APBA2: variants seen among roughly 807,000 people sequenced by gnomAD.
The protein encoded by APBA2 is amyloid-beta A4 precursor protein-binding family A member 2.
In APBA2, 30 loss-of-function variants were observed where a neutral mutation model predicts 75.0. The observed-to-expected ratio is 0.40, with a 90% confidence interval of 0.30 to 0.54. The LOEUF is 0.54. Among genes scored for constraint, APBA2 ranks in the 20% least tolerant of loss-of-function variants. The pLI, the probability that APBA2 is intolerant of heterozygous loss-of-function variation, is 0.49. For synonymous variants in APBA2, 444 were observed against 409.6 expected, an observed-to-expected ratio of 1.08 and a Z score of -1.01; for missense variants, 801 against 1,016.1, an observed-to-expected ratio of 0.79 and a Z score of 2.88.
chr15:28,916,422 T>C (rs1424740062), intron 1 of APBA2, among the ~76,000 whole-genome samples: 1 of 152,242 alleles, frequency 6.6e-6, no homozygotes, highest in Non-Finnish European at 1.5e-5. Context: ...TGCTGCTGAA[T>C]ATTAGATGCA....
intron 3 of APBA2, among the ~76,000 whole-genome samples, chr15:28,997,037 G>T (rs1027792242): frequency 1.8e-4 from 28 of 152,210 alleles, no homozygotes; most frequent in Non-Finnish European, 1.3e-4. Context: ...GCCATTATTT[G>T]TAAAGCAAGG....
At chr15:28,957,158 C>A (rs1466740399) in intron 2 of APBA2, among the ~76,000 whole-genome samples, 2 of 151,978 alleles carry the variant, frequency 1.3e-5, no homozygotes, top group African/African-American at 4.8e-5. Flanking sequence ...CTGCAAGCTC[C>A]GCCTCCCGGG....
rs1465384409 is a variant in APBA2, at chr15:29,036,355, A to T, written c.-40-17490A>T. On this transcript the variant is annotated intron_variant, in intron 3 of 14. Transcript: ENST00000683413. ...CCCCAGGTCTCCTTCAGGGAGGATG[A>T]GCATCACCTGCATTGAGGAAGGGGT... is the stretch of plus-strand genomic sequence containing the variant. Among the ~76,000 whole-genome samples, 15 of 152,274 alleles carry T rather than the reference A, an allele frequency of 9.9e-5. No homozygotes were observed. In the East Asian group the frequency reaches 2.5e-3, roughly 26 times the overall value.
intron 1 of APBA2, among the ~76,000 whole-genome samples, chr15:28,901,516 G>T (rs139839671): frequency 0.031 from 4,765 of 152,298 alleles, 254 homozygotes; most frequent in African/African-American, 0.11. Flanking sequence ...GTGGTGCTGT[G>T]TGTGGTTCAG....
At chr15:28,926,856 TC>T (rs200063448) in intron 2 of APBA2, among the ~76,000 whole-genome samples, 2,146 of 98,164 alleles carry the variant, frequency 0.022, 86 homozygotes, top group African/African-American at 0.13. Context: ...TCTCTCTCTC[TC>T]TTTTTTTTTT....
intron 3 of APBA2, among the ~76,000 whole-genome samples, chr15:29,037,268 C>T (rs886844605): frequency 1.3e-5 from 2 of 152,032 alleles, no homozygotes; most frequent in South Asian, 2.1e-4. Context: ...TCATTGAACC[C>T]GTCTTGGTAG....
chr15:28,967,574 G>A (rs1266557306), intron 2 of APBA2, among the ~76,000 whole-genome samples: 2 of 151,986 alleles, frequency 1.3e-5, no homozygotes, highest in Admixed American at 6.6e-5. Context: ...AAGTAGCTGG[G>A]ACTACAGACA....
intron 14 of APBA2, 92 bp from the exon 15 acceptor site, chr15:29,116,970 C>A: frequency 7.3e-7 from 1 of 1,372,138 alleles, no homozygotes; most frequent in Non-Finnish European, 1.0e-6. Flanking sequence ...TGAAGCAGAA[C>A]TCTGGGGGGT....
At chr15:29,109,988 C>T (rs955642002) in intron 13 of APBA2, among the ~76,000 whole-genome samples, 3 of 152,254 alleles carry the variant, frequency 2.0e-5, no homozygotes, top group Admixed American at 6.5e-5. Context: ...AGCTGGTGGT[C>T]TGGCCTGGTC....
intron 2 of APBA2, among the ~76,000 whole-genome samples, chr15:28,972,897 A>G (rs2037141854): frequency 1.3e-5 from 2 of 152,240 alleles, no homozygotes; most frequent in Non-Finnish European, 2.9e-5. Context: ...TTGTTGGTCT[A>G]ATTTCTAAGC....
At chr15:29,101,552 T>G in intron 9 of APBA2, 47 bp from the exon 10 acceptor site, 2 of 1,588,758 alleles carry the variant, frequency 1.3e-6, no homozygotes, top group Non-Finnish European at 1.7e-6. Context: ...TTTCAATGGA[T>G]TGTCCCAGTA....
chr15:29,077,920 A>G (rs2042918779), intron 6 of APBA2, among the ~76,000 whole-genome samples: 1 of 152,192 alleles, frequency 6.6e-6, no homozygotes, highest in South Asian at 2.1e-4. Context: ...TCCAAATTAA[A>G]CACCGTTATC....
intron 12 of APBA2, 124 bp from the exon 13 acceptor site, chr15:29,108,146 G>T: frequency 7.1e-7 from 1 of 1,405,302 alleles, no homozygotes; most frequent in Non-Finnish European, 9.9e-7. Flanking sequence ...AGAGGGGACT[G>T]CCTGCCTCTC....
intron 1 of APBA2, among the ~76,000 whole-genome samples, chr15:28,889,544 A>T (rs1595385363): frequency 6.6e-6 from 1 of 152,150 alleles, no homozygotes; most frequent in Non-Finnish European, 1.5e-5. Context: ...TGGCCCCTCC[A>T]GGCTGCCCTG....
At chr15:29,064,903 G>A (rs1185403083) in intron 4 of APBA2, among the ~76,000 whole-genome samples, 1 of 152,162 alleles carries the variant, frequency 6.6e-6, no homozygotes, top group African/African-American at 2.4e-5. Flanking sequence ...GAGCAGCTCT[G>A]GTGGATTGGG....
chr15:28,984,244 G>T (rs544592138), intron 2 of APBA2, among the ~76,000 whole-genome samples: 20 of 152,110 alleles, frequency 1.3e-4, no homozygotes, highest in Non-Finnish European at 2.1e-4. Context: ...GGGAGTGAGG[G>T]CAGGGGGAGC....
intron 2 of APBA2, among the ~76,000 whole-genome samples, chr15:28,959,113 C>T (rs28640877): frequency 2.6e-5 from 4 of 152,098 alleles, no homozygotes; most frequent in Middle Eastern, 6.8e-3. Context: ...CTCAGTCTCC[C>T]GAGTAGCTGG....
intron 9 of APBA2, among the ~76,000 whole-genome samples, chr15:29,099,517 C>G (rs528011981): frequency 2.4e-4 from 36 of 152,342 alleles, no homozygotes; most frequent in Non-Finnish European, 4.3e-4. Flanking sequence ...CACCCTCTGC[C>G]TGGCAGCTAC....
Position 29,054,491 on chromosome 15 carries a change from G to A in APBA2, c.607G>A (p.Gly203Arg), listed in dbSNP as rs764880305. ...YQDYYPEEANGNTGASPYRLR... is the reference protein window; with the variant it reads ...YQDYYPEEANRNTGASPYRLR... Reference sequence around the variant, plus strand: ...GGACTACTACCCCGAGGAGGCCAACGGGAACACCGGCGCCTCCCCCTACCG... The same window carrying A: ...GGACTACTACCCCGAGGAGGCCAACAGGAACACCGGCGCCTCCCCCTACCG... Residue 203 changes from glycine to arginine, a missense_variant, in exon 4 of 15, where the codon GGG (glycine) becomes AGG (arginine). Gly to Arg is a moderately radical substitution (Grantham distance 125). This residue lies in a region of APBA2 where 434 missense variants were observed against 471.6 expected (regional missense o/e 0.92). Coordinates refer to ENST00000683413, the MANE Select transcript of APBA2 (RefSeq NM_001353788.2). The surrounding 1 kb of genome is among the most constrained non-coding windows in gnomAD (Gnocchi z 6.1). The A allele has an allele frequency of 6.2e-6, 10 of 1,613,736 alleles. No homozygotes were observed. Among genetic ancestry groups the A allele is most frequent in the Admixed American group, 1.7e-5 (1 of 59,934 alleles).
Sources: allele counts gnomAD v4.1 joint callset (sites outside exome capture counted in the v4.1 genomes callset), GRCh38; gene constraint gnomAD v4.1.1; regional missense constraint gnomAD v4.1.1; non-coding constraint Gnocchi (gnomAD v3.1); transcripts MANE v1.5; gene names NCBI Gene and HGNC (gene_info 2026-07-23, HGNC 2026-07-21).